DGLUCY: variants seen among roughly 807,000 people sequenced by gnomAD.
DGLUCY encodes D-glutamate cyclase, mitochondrial.
In DGLUCY, 58 loss-of-function variants were observed where a neutral mutation model predicts 58.5. The ratio of observed to expected loss-of-function variants is 0.99; its 90% CI spans 0.80 to 1.23. DGLUCY has a LOEUF of 1.23. DGLUCY is among the 50% of genes most tolerant of loss of function. The probability of loss-of-function intolerance (pLI) is 0.00; values close to 1 mark genes in which losing one functional copy is unlikely to be tolerated. For missense variants in DGLUCY, 779 were observed against 784.7 expected (o/e 0.99, Z 0.09); for synonymous variants, 325 against 314.1 (o/e 1.03, Z -0.37).
intron 13 of DGLUCY, among the ~76,000 whole-genome samples, chr14:91,217,928 G>T (rs1437519409): frequency 6.6e-6 from 1 of 152,046 alleles, no homozygotes; most frequent in African/African-American, 2.4e-5. Flanking sequence ...GCCTGGATTG[G>T]TGGTGTCATT....
In DGLUCY at chr14:91,149,325, C is replaced by T. The variant is rs571598985; in HGVS notation, c.-81-8314C>T. Among the ~76,000 whole-genome samples, 4 of 152,180 alleles carry T rather than the reference C, an allele frequency of 2.6e-5. No individual in the cohort carries two copies. In the South Asian group the frequency reaches 8.3e-4, roughly 32 times the overall value. ...TTTGCATACTTTGCTATTAGTTCAG[C>T]CTGTCTTCTGTGTATGCAGGTGGTG... On this transcript the variant is annotated intron_variant, in intron 1 of 13. Transcript: ENST00000256324.
intron 1 of DGLUCY, among the ~76,000 whole-genome samples, chr14:91,132,219 A>AT (rs2046061690): frequency 6.6e-6 from 1 of 152,006 alleles, no homozygotes; most frequent in Non-Finnish European, 1.5e-5. Flanking sequence ...GTTGAACTTC[A>AT]TTTTTTTCCA....
exon 1 of DGLUCY, chr14:91,060,620 C>A: frequency 1.3e-6 from 1 of 778,052 alleles, no homozygotes; most frequent in Non-Finnish European, 1.7e-6. Flanking sequence ...CCTCCCCCTT[C>A]GGCGGGCACC....
chr14:91,135,249 T>G (rs1438522065), intron 1 of DGLUCY, among the ~76,000 whole-genome samples: 1 of 152,126 alleles, frequency 6.6e-6, no homozygotes, highest in Non-Finnish European at 1.5e-5. Flanking sequence ...TTATTTGCTT[T>G]CTTATTCTTG....
chr14:91,079,937 G>A (rs117058662), intron 1 of DGLUCY, among the ~76,000 whole-genome samples: 3,077 of 152,034 alleles, frequency 0.02, 41 homozygotes, highest in Middle Eastern at 0.051. Flanking sequence ...GTCATCCTCC[G>A]GACCCATTAA....
upstream of DGLUCY, among the ~76,000 whole-genome samples, chr14:91,111,294 T>C (rs202114081): frequency 5.8e-5 from 8 of 138,274 alleles, no homozygotes; most frequent in African/African-American, 1.3e-4. Flanking sequence ...ATATATATTT[T>C]TTTTTGAGAT....
intron 1 of DGLUCY, among the ~76,000 whole-genome samples, chr14:91,066,755 C>T (rs1416754558): frequency 1.3e-5 from 2 of 152,152 alleles, no homozygotes; most frequent in Non-Finnish European, 2.9e-5. Context: ...CTGCTGGTAG[C>T]TGAGTCTGAG....
chr14:91,076,849 G>A (rs1045452733), intron 1 of DGLUCY, among the ~76,000 whole-genome samples: 6 of 152,124 alleles, frequency 3.9e-5, no homozygotes, highest in African/African-American at 1.2e-4. Flanking sequence ...GCTAGACCAC[G>A]GTGTCCTGTG....
chr14:91,210,867 CG>C (rs1256630291), intron 12 of DGLUCY, among the ~76,000 whole-genome samples: 1 of 151,910 alleles, frequency 6.6e-6, no homozygotes, highest in Non-Finnish European at 1.5e-5. Context: ...TGCCTAATGC[CG>C]TAAGACAAGA....
intron 1 of DGLUCY, among the ~76,000 whole-genome samples, chr14:91,075,072 C>CAAAA (rs1163669924): frequency 8.2e-4 from 95 of 115,336 alleles, no homozygotes; most frequent in Non-Finnish European, 1.3e-3. Context: ...AACTCCGTCT[C>CAAAA]AAAAAAAAAA....
intron 1 of DGLUCY, among the ~76,000 whole-genome samples, chr14:91,152,281 A>T (rs533631814): frequency 2.1e-3 from 318 of 152,212 alleles, no homozygotes; most frequent in Non-Finnish European, 3.9e-3. Flanking sequence ...TGGTGGTCCC[A>T]AGCTACTCAG....
intron 1 of DGLUCY, among the ~76,000 whole-genome samples, chr14:91,083,537 AAAAC>A (rs2044162986): frequency 6.6e-6 from 1 of 151,104 alleles, no homozygotes; most frequent in Admixed American, 6.6e-5. Context: ...AAAAAAAAAA[AAAAC>A]AGAGAGAACG....
chr14:91,129,516 G>A (rs1214106312), intron 1 of DGLUCY, among the ~76,000 whole-genome samples: 1 of 151,532 alleles, frequency 6.6e-6, no homozygotes, highest in Non-Finnish European at 1.5e-5. Context: ...CAGGAGGGTT[G>A]CTGAAGCCTA....
chr14:91,142,206 T>A (rs1488801224), intron 1 of DGLUCY, among the ~76,000 whole-genome samples: 3 of 152,100 alleles, frequency 2.0e-5, no homozygotes, highest in African/African-American at 7.2e-5. Context: ...TGGCATTCAG[T>A]CTATATTTAT....
intron 1 of DGLUCY, among the ~76,000 whole-genome samples, chr14:91,132,697 C>G (rs1251018292): frequency 6.6e-6 from 1 of 151,462 alleles, no homozygotes; most frequent in Non-Finnish European, 1.5e-5. Context: ...AGGGTGGTCT[C>G]GAACTCCTGA....
chr14:91,142,299 G>A (rs887921223), intron 1 of DGLUCY, among the ~76,000 whole-genome samples: 3 of 152,146 alleles, frequency 2.0e-5, no homozygotes, highest in Non-Finnish European at 4.4e-5. Context: ...GAATAGTGTG[G>A]TGCCAGAAAT....
rs1012761826 is a variant in DGLUCY, at chr14:91,189,301, T to C, written c.1195+131T>C. ...ACAACTCCGTTGTAAGCTGCATAGC[T>C]TGATTTCATAGACGAAGAGACTGAG... On this transcript the variant is annotated intron_variant, in intron 9 of 13. Coordinates refer to ENST00000256324, the MANE Select transcript of DGLUCY (RefSeq NM_001102368.3). 10 of 1,233,076 alleles carry C rather than the reference T, an allele frequency of 8.1e-6. No individual in the cohort carries two copies. The Admixed American group carries it at 1.9e-4, about 23-fold the overall frequency. The allele number at this position is 1,233,076 out of a possible 1,614,324, so 76.4% of individuals were successfully genotyped here.
At chr14:91,215,579 T>C in intron 13 of DGLUCY, 23 bp downstream of exon 13, 2 of 1,613,340 alleles carry the variant, frequency 1.2e-6, no homozygotes, top group Admixed American at 3.3e-5. Flanking sequence ...AGCCAGCCGC[T>C]CGCCTGGAAG....
chr14:91,197,622 C>A (rs2050299350), intron 10 of DGLUCY, among the ~76,000 whole-genome samples: 1 of 152,224 alleles, frequency 6.6e-6, no homozygotes, highest in African/African-American at 2.4e-5. Context: ...TTCGAGGCAC[C>A]TTGTGTAAGT....
Sources: gnomAD v4.1 joint callset for allele counts (sites outside exome capture counted in the v4.1 genomes callset) on GRCh38, gnomAD v4.1.1 for gene constraint, MANE v1.5 for transcripts, NCBI Gene and HGNC (gene_info 2026-07-23, HGNC 2026-07-21) for gene names.